Variants in CCDC91 observed in about 807,000 individuals in gnomAD.
The protein encoded by CCDC91 is coiled-coil domain-containing protein 91.
CCDC91 carries 48 observed loss-of-function variants against 63.2 expected under a neutral mutation model. That is an observed-to-expected ratio of 0.76 (90% CI 0.60 to 0.97). The LOEUF (loss-of-function observed/expected upper bound fraction) is 0.97, where lower values mean the gene tolerates loss of function less well. Among genes scored for constraint, CCDC91 ranks in the 50% least tolerant of loss-of-function variants. The pLI, the probability that CCDC91 is intolerant of heterozygous loss-of-function variation, is 0.00. For synonymous variants in CCDC91, 167 were observed against 165.8 expected (o/e 1.01, Z -0.06); for missense variants, 500 against 494.6 (o/e 1.01, Z -0.10).
intron 3 of CCDC91, among the ~76,000 whole-genome samples, chr12:28,278,069 C>T (rs1450414372): frequency 2.8e-4 from 43 of 152,056 alleles, no homozygotes; most frequent in Admixed American, 2.8e-3. Flanking sequence ...ACTCTTCCTT[C>T]ATAGCCCAGT....
chr12:28,531,609 G>C (rs1419795362), intron 12 of CCDC91, among the ~76,000 whole-genome samples: 1 of 152,064 alleles, frequency 6.6e-6, no homozygotes, highest in African/African-American at 2.4e-5. Flanking sequence ...ATTGTTTTCT[G>C]TCATTTGCAC....
intron 3 of CCDC91, among the ~76,000 whole-genome samples, chr12:28,269,861 T>C (rs1227133698): frequency 2.0e-5 from 3 of 152,146 alleles, no homozygotes; most frequent in Non-Finnish European, 4.4e-5. Context: ...ATTGCAGTTA[T>C]AAAATCCTCC....
rs190902291 is a variant in CCDC91 at position 28,532,084 on chromosome 12, G to T, written c.1216-16979G>T. Among the ~76,000 whole-genome samples the T allele has an allele frequency of 7.2e-5, 11 of 152,200 alleles. No homozygotes were observed. In the East Asian group the frequency reaches 1.5e-3, roughly 21 times the overall value. On this transcript the variant is annotated intron_variant, in intron 12 of 12. Transcript: ENST00000536442. ...AAGTCATGCAGCTATTTTGAAGAAGGAAGTTCCTTATAGAGGGCACAACAT... is the reference window on the plus strand; with the variant it reads ...AAGTCATGCAGCTATTTTGAAGAAGTAAGTTCCTTATAGAGGGCACAACAT...
At chr12:28,331,589 A>G (rs1028046353) in intron 6 of CCDC91, among the ~76,000 whole-genome samples, 16 of 152,194 alleles carry the variant, frequency 1.1e-4, no homozygotes, top group African/African-American at 3.4e-4. Flanking sequence ...ACTATGTTTC[A>G]AAAAATTACT....
Position 28,449,113 on chromosome 12 carries a change from C to G in CCDC91, c.763-1048C>G, listed in dbSNP as rs559736525. Among the ~76,000 whole-genome samples the G allele has an allele frequency of 3.6e-4, 54 of 152,048 alleles. No homozygotes were observed. In the South Asian group the frequency reaches 3.7e-3, roughly 11 times the overall value. ...CATCTTTCATGTGATTTTACTTACT[C>G]TCTTGAAAAACACAGATGAAAAGTA... On this transcript the variant is annotated intron_variant, in intron 8 of 12. Coordinates refer to ENST00000536442, the MANE Select transcript of CCDC91 (RefSeq NM_018318.5).
intron 6 of CCDC91, among the ~76,000 whole-genome samples, chr12:28,360,944 A>G (rs183581688): frequency 3.1e-3 from 473 of 151,932 alleles, no homozygotes; most frequent in Non-Finnish European, 4.4e-3. Context: ...TTTCTTTAAC[A>G]TATATAGGAC....
chr12:28,411,764 G>A (rs940194509), intron 8 of CCDC91, among the ~76,000 whole-genome samples: 13 of 152,136 alleles, frequency 8.5e-5, no homozygotes, highest in Non-Finnish European at 7.3e-5. Flanking sequence ...ATGTCACAGT[G>A]CAGTACATTA....
intron 8 of CCDC91, among the ~76,000 whole-genome samples, chr12:28,419,024 C>T (rs1044522345): frequency 6.6e-6 from 1 of 152,072 alleles, no homozygotes; most frequent in Non-Finnish European, 1.5e-5. Context: ...TTTATACATC[C>T]ATCCATTCAT....
At chr12:28,292,716 A>C (rs1332947460) in intron 3 of CCDC91, among the ~76,000 whole-genome samples, 1 of 152,172 alleles carries the variant, frequency 6.6e-6, no homozygotes, top group East Asian at 1.9e-4. Context: ...AAATTTATAA[A>C]AGCCACAAGA....
chr12:28,315,171 A>ATTTT (rs1441314583), intron 6 of CCDC91, among the ~76,000 whole-genome samples: 9 of 150,794 alleles, frequency 6.0e-5, no homozygotes, highest in Non-Finnish European at 1.3e-4. Context: ...ATATATATAT[A>ATTTT]TTTTTGTTTT....
rs201529474 is a variant in CCDC91, at chr12:28,207,354, G to GTTCA, written c.-15+16714_-15+16717dup. ...TCAGTTGTGAGATTATGAACCCAAG[G>GTTCA]TTCAAGGTTCCAAAGTTTTGTTGCA... is the stretch of plus-strand genomic sequence containing the variant. On this transcript the variant is annotated intron_variant, in intron 1 of 12. Transcript: ENST00000536442. Among the ~76,000 whole-genome samples the GTTCA allele has an allele frequency of 7.9e-3, 1,196 of 152,230 alleles. 5 individuals are homozygous for GTTCA. The highest frequency in any genetic ancestry group is 0.013 in the Non-Finnish European group (901 of 68,018).
intron 1 of CCDC91, among the ~76,000 whole-genome samples, chr12:28,200,254 G>C (rs1244929420): frequency 7.3e-6 from 1 of 137,034 alleles, no homozygotes; most frequent in Non-Finnish European, 1.6e-5. Context: ...TTTTTTTTTT[G>C]AGTGGTAGCT....
At chr12:28,240,336 T>G (rs1173366108) in intron 1 of CCDC91, among the ~76,000 whole-genome samples, 1 of 152,194 alleles carries the variant, frequency 6.6e-6, no homozygotes, top group African/African-American at 2.4e-5. Flanking sequence ...CTAGTTTTAT[T>G]GATTACTTCT....
intron 12 of CCDC91, among the ~76,000 whole-genome samples, chr12:28,541,748 G>T (rs1942643905): frequency 6.6e-6 from 1 of 151,908 alleles, no homozygotes; most frequent in Non-Finnish European, 1.5e-5. Context: ...TTTGGAGCAT[G>T]TAATCAAATT....
chr12:28,317,947 T>C (rs1940072013), intron 6 of CCDC91, among the ~76,000 whole-genome samples: 1 of 152,002 alleles, frequency 6.6e-6, no homozygotes, highest in African/African-American at 2.4e-5. Context: ...GAATAAACAT[T>C]TCACTTTTAT....
intron 8 of CCDC91, among the ~76,000 whole-genome samples, chr12:28,442,990 C>T (rs369069301): frequency 2.9e-4 from 44 of 151,976 alleles, no homozygotes; most frequent in South Asian, 1.0e-3. Flanking sequence ...TATGAGGTAA[C>T]ATTGTTTATG....
At chr12:28,343,047 G>A (rs965804275) in intron 6 of CCDC91, among the ~76,000 whole-genome samples, 1 of 152,028 alleles carries the variant, frequency 6.6e-6, no homozygotes, top group African/African-American at 2.4e-5. Flanking sequence ...TGCATGTTTT[G>A]TGTAGTCAGG....
intron 12 of CCDC91, among the ~76,000 whole-genome samples, chr12:28,517,453 T>C (rs1422741370): frequency 2.0e-5 from 3 of 152,032 alleles, no homozygotes; most frequent in Non-Finnish European, 4.4e-5. Context: ...TCATTCTGTA[T>C]GGGTACTTCT....
chr12:28,478,063 T>C (rs989769292), intron 11 of CCDC91, among the ~76,000 whole-genome samples: 1 of 152,140 alleles, frequency 6.6e-6, no homozygotes, highest in African/African-American at 2.4e-5. Flanking sequence ...TTCAATGCCA[T>C]CTCCATCAAG....
Sources: allele counts gnomAD v4.1 joint callset (sites outside exome capture counted in the v4.1 genomes callset), GRCh38; gene constraint gnomAD v4.1.1; transcripts MANE v1.5; gene names NCBI Gene and HGNC (gene_info 2026-07-23, HGNC 2026-07-21).